Variants in ZFHX3 observed in about 807,000 individuals in gnomAD.
ZFHX3 encodes zinc finger homeobox protein 3.
A neutral mutation model predicts 279.1 loss-of-function variants in ZFHX3; 42 were observed. The observed-to-expected ratio is 0.15, with a 90% CI of 0.12 to 0.19. ZFHX3 has a LOEUF of 0.19. ZFHX3 is among the 10% of genes least tolerant of loss of function. ZFHX3 has a pLI of 1.00. For missense variants in ZFHX3, 4,981 were observed against 4,754.0 expected (o/e 1.05, Z -1.40); for synonymous variants, 2,293 against 1,957.8 (o/e 1.17, Z -4.52).
intron 2 of ZFHX3, among the ~76,000 whole-genome samples, chr16:73,510,277 A>G (rs1438742370): frequency 2.6e-5 from 4 of 152,100 alleles, no homozygotes; most frequent in Admixed American, 2.6e-4. Flanking sequence ...CTTTTGCCTC[A>G]CTAGAATTTT....
chr16:73,178,177 T>A (rs992056336), intron 5 of ZFHX3, among the ~76,000 whole-genome samples: 5 of 151,874 alleles, frequency 3.3e-5, no homozygotes, highest in African/African-American at 1.2e-4. Context: ...TGAGACAGGG[T>A]CTCACTCCGG....
intron 8 of ZFHX3, among the ~76,000 whole-genome samples, chr16:73,086,980 C>G (rs1966017861): frequency 6.6e-6 from 1 of 151,984 alleles, no homozygotes; most frequent in Non-Finnish European, 1.5e-5. Flanking sequence ...ATGCTCCCAA[C>G]ATAAGAAAAT....
At chr16:73,001,472 T>C (rs930096333) in intron 1 of ZFHX3, among the ~76,000 whole-genome samples, 1 of 152,154 alleles carries the variant, frequency 6.6e-6, no homozygotes, top group East Asian at 1.9e-4. Flanking sequence ...GGGTAATCTG[T>C]GATGCAGCAA....
At chr16:72,826,923 G>C (rs972345859) in intron 5 of ZFHX3, among the ~76,000 whole-genome samples, 1 of 152,126 alleles carries the variant, frequency 6.6e-6, no homozygotes, top group African/African-American at 2.4e-5. Context: ...GTGCTGTGAA[G>C]ACACACTCCC....
Position 73,455,086 on chromosome 16 carries a change from G to A in ZFHX3, c.-1291+917C>T, listed in dbSNP as rs76790865. Among the ~76,000 whole-genome samples the A allele has an allele frequency of 6.5e-3, 991 of 152,180 alleles. 8 individuals carry two copies. The highest frequency in any genetic ancestry group is 0.022 in the African/African-American group (934 of 41,518). ...TGACTCTTTTTTGAACCATCATGAC[G>A]TTGTCAGGTGTCCATCACAGATGGA... On this transcript the variant is annotated intron_variant, in intron 3 of 17. Coordinates refer to the ZFHX3 transcript ENST00000641206.
chr16:72,916,657 A>C (rs1275428482), intron 3 of ZFHX3, among the ~76,000 whole-genome samples: 1 of 152,250 alleles, frequency 6.6e-6, no homozygotes, highest in Non-Finnish European at 1.5e-5. Flanking sequence ...GAAAAGGCGA[A>C]TTAATAAAAA....
chr16:73,663,046 A>G (rs2052801647), intron 2 of ZFHX3, among the ~76,000 whole-genome samples: 1 of 152,234 alleles, frequency 6.6e-6, no homozygotes, highest in African/African-American at 2.4e-5. Flanking sequence ...CAGCAGGGTC[A>G]TCTCTTCCCT....
At chr16:73,760,223 C>G (rs898524470) in intron 1 of ZFHX3, among the ~76,000 whole-genome samples, 1 of 151,998 alleles carries the variant, frequency 6.6e-6, no homozygotes, top group African/African-American at 2.4e-5. Context: ...ATAAGCTTTC[C>G]CAAGACTGAA....
chr16:73,780,214 C>T lies in ZFHX3; in HGVS notation c.-1607-99974G>A, dbSNP rs1451585361. ...TGGGGTGCAGGTGCAGTGGTGCGAT[C>T]TTGGCTCACTGCAACCTCCGCCTCC... On this transcript the variant is annotated intron_variant, in intron 1 of 17. Coordinates refer to the ZFHX3 transcript ENST00000641206. 5.5e-5 allele frequency among the ~76,000 whole-genome samples: 7 copies of T among 126,158 alleles called. No individual in the cohort carries two copies. In the South Asian group the frequency reaches 8.5e-4, roughly 15 times the overall value. The allele number at this position is 126,158 out of a possible 152,430, so 82.8% of individuals were successfully genotyped here. A position where few individuals can be genotyped will look rare whatever the true frequency, so the allele number is the denominator to read the frequency against.
At chr16:73,053,232 A>G (rs1412876657) in intron 1 of ZFHX3, among the ~76,000 whole-genome samples, 3 of 152,110 alleles carry the variant, frequency 2.0e-5, no homozygotes, top group Non-Finnish European at 2.9e-5. Flanking sequence ...CATGGAAATA[A>G]GAGACACTGG....
intron 1 of ZFHX3, among the ~76,000 whole-genome samples, chr16:73,840,558 G>C (rs1961276086): frequency 1.3e-5 from 2 of 152,184 alleles, no homozygotes; most frequent in Admixed American, 6.5e-5. Context: ...ACCATGGTCT[G>C]ATTAAGAAGG....
At chr16:73,228,348 G>T (rs1379911614) in intron 5 of ZFHX3, among the ~76,000 whole-genome samples, 1 of 152,096 alleles carries the variant, frequency 6.6e-6, no homozygotes, top group East Asian at 1.9e-4. Context: ...TGACCTAAAA[G>T]TTTACTCTTA....
intron 1 of ZFHX3, among the ~76,000 whole-genome samples, chr16:73,788,612 G>C (rs1266406567): frequency 6.6e-6 from 1 of 152,066 alleles, no homozygotes; most frequent in East Asian, 1.9e-4. Context: ...CCAGTGCTTA[G>C]CACGCAGACA....
chr16:72,988,220 A>T (rs1247612795), intron 1 of ZFHX3, among the ~76,000 whole-genome samples: 1 of 152,206 alleles, frequency 6.6e-6, no homozygotes. Context: ...ACATCAACCC[A>T]CTAGGAACAA....
At chr16:73,180,844 G>C (rs1436653341) in intron 5 of ZFHX3, among the ~76,000 whole-genome samples, 1 of 151,936 alleles carries the variant, frequency 6.6e-6, no homozygotes. Flanking sequence ...TGCATTTCTA[G>C]TTGAGACAGG....
intron 2 of ZFHX3, among the ~76,000 whole-genome samples, chr16:73,579,449 G>T (rs970714736): frequency 1.3e-5 from 2 of 151,382 alleles, no homozygotes; most frequent in Non-Finnish European, 2.9e-5. Context: ...TCACAAATAC[G>T]TATCATACAC....
intron 1 of ZFHX3, among the ~76,000 whole-genome samples, chr16:73,820,008 G>T (rs150694472): frequency 6.6e-6 from 1 of 152,266 alleles, no homozygotes; most frequent in African/African-American, 2.4e-5. Context: ...AGGAGGTGAG[G>T]TTTCTTTCTC....
chr16:73,515,462 T>G lies in ZFHX3; in HGVS notation c.-1546-59204A>C, dbSNP rs556839395. ...AGAAGAGAGAGGAGAAAGAGAGAGATAGATAAGAGAGAGGAAAAAGAAGAA... is the reference window on the plus strand; with the variant it reads ...AGAAGAGAGAGGAGAAAGAGAGAGAGAGATAAGAGAGAGGAAAAAGAAGAA... On this transcript the variant is annotated intron_variant, in intron 2 of 17. Coordinates refer to the ZFHX3 transcript ENST00000641206. Among the ~76,000 whole-genome samples the G allele has an allele frequency of 5.0e-5, 6 of 120,040 alleles. No homozygotes were observed. The East Asian group carries it at 1.1e-3, about 22-fold the overall frequency. The allele number at this position is 120,040 out of a possible 152,430, so 78.8% of individuals were successfully genotyped here.
chr16:73,336,055 C>A (rs1046447870), intron 3 of ZFHX3, among the ~76,000 whole-genome samples: 2 of 152,166 alleles, frequency 1.3e-5, no homozygotes, highest in African/African-American at 2.4e-5. Context: ...GGAGATGGAT[C>A]TTTACTGCTC....
Sources: gnomAD v4.1 joint callset for allele counts (sites outside exome capture counted in the v4.1 genomes callset) on GRCh38, gnomAD v4.1.1 for gene constraint, MANE v1.5 for transcripts, NCBI Gene and HGNC (gene_info 2026-07-23, HGNC 2026-07-21) for gene names.